GFI1B: variants seen among roughly 807,000 people sequenced by gnomAD.
The protein encoded by GFI1B is growth factor independent 1B transcriptional repressor.
GFI1B carries 20 observed loss-of-function variants against 35.3 expected under a neutral mutation model. The ratio of observed to expected loss-of-function variants is 0.57; its 90% confidence interval spans 0.40 to 0.82. GFI1B has a LOEUF of 0.82. Ranked by LOEUF, GFI1B falls within the 40% of genes least tolerant of loss-of-function variation. GFI1B has a pLI of 0.00. For synonymous variants in GFI1B, 178 were observed against 177.6 expected, an observed-to-expected ratio of 1.00 and a Z score of -0.02; for missense variants, 430 against 446.3, an observed-to-expected ratio of 0.96 and a Z score of 0.33.
At chr9:132,992,997 T>TAAA (rs35365824), downstream of GFI1B, among the ~76,000 whole-genome samples, 56 of 149,972 alleles carry the variant, frequency 3.7e-4, no homozygotes, top group African/African-American at 1.2e-3. Flanking sequence ...AGGTCAAACA[T>TAAA]AAAAAAAAAA....
In GFI1B at chr9:132,991,453, C is replaced by T. The variant is rs11243971; in HGVS notation, c.*403C>T. On this transcript the variant is annotated 3_prime_UTR_variant, in exon 7 of 7. Coordinates refer to ENST00000372122, the MANE Select transcript of GFI1B (RefSeq NM_001377304.1). ...GGACCTGGTCACCTTGGATTTTAGC[C>T]GGCCTCTTTCTGGCTATAACAGGCA... 1.8e-5 allele frequency: 4 copies of T among 222,118 alleles called. No individual in the cohort carries two copies. The East Asian group carries it at 3.5e-4, about 19-fold the overall frequency. The allele number at this position is 222,118 out of a possible 1,614,324, so 13.8% of individuals were successfully genotyped here.
chr9:132,982,138 C>T, intron 1 of GFI1B, among the ~76,000 whole-genome samples: 1 of 152,238 alleles, frequency 6.6e-6, no homozygotes, highest in East Asian at 1.9e-4. Context: ...CCAACCCTCC[C>T]AAAAGGGGAA....
chr9:132,980,984 C>A (rs528675805), intron 1 of GFI1B, among the ~76,000 whole-genome samples: 9 of 152,306 alleles, frequency 5.9e-5, no homozygotes, highest in Admixed American at 4.6e-4. Flanking sequence ...CAACCTCTGC[C>A]TCCCGGGTTC....
chr9:132,984,941 C>T (rs1848983490), intron 1 of GFI1B, among the ~76,000 whole-genome samples: 1 of 152,330 alleles, frequency 6.6e-6, no homozygotes, highest in African/African-American at 2.4e-5. Flanking sequence ...CTCCCACCTC[C>T]CACCCTGCTC....
upstream of GFI1B, chr9:132,978,441 G>A (rs923533440): frequency 2.0e-5 from 3 of 152,118 alleles, no homozygotes; most frequent in South Asian, 2.1e-4. Context: ...TAATAATTTA[G>A]CCATCACTTT....
intron 1 of GFI1B, among the ~76,000 whole-genome samples, chr9:132,955,580 C>G (rs1848269595): frequency 6.6e-6 from 1 of 152,244 alleles, no homozygotes; most frequent in Non-Finnish European, 1.5e-5. Context: ...GCATTAGCTA[C>G]TGTGCCCAGC....
intron 1 of GFI1B, among the ~76,000 whole-genome samples, chr9:132,967,172 C>T (rs549095122): frequency 1.2e-4 from 18 of 152,306 alleles, no homozygotes; most frequent in South Asian, 4.1e-4. Context: ...TTCTGCCTTT[C>T]TCCATGGAGT....
intron 1 of GFI1B, among the ~76,000 whole-genome samples, chr9:132,962,929 A>AG (rs1332523183): frequency 6.7e-6 from 1 of 149,596 alleles, no homozygotes; most frequent in East Asian, 2.0e-4. Context: ...AAAAAAAAAA[A>AG]AAAATAGCCA....
At position 132,986,611 on chromosome 9, in the gene GFI1B, T is replaced by G. The variant is rs2073577; in HGVS notation, c.-20-48T>G. On this transcript the variant is annotated intron_variant, in intron 1 of 6. Coordinates refer to ENST00000372122, the MANE Select transcript of GFI1B (RefSeq NM_001377304.1). ...GAGGAGGTTCTGAGATATGGAGGGGTATTGTTCTCTTGTCCTTCCTAACCG... is the reference window on the plus strand; with the variant it reads ...GAGGAGGTTCTGAGATATGGAGGGGGATTGTTCTCTTGTCCTTCCTAACCG... 0.34 allele frequency: 298,517 copies of G among 886,946 alleles called. 54,286 individuals carry two copies. Among genetic ancestry groups the G allele is most frequent in the Admixed American group, 0.4 (20,053 of 50,518 alleles). 54.9% of individuals were successfully genotyped at this position (886,946 alleles called of 1,614,324 possible).
rs1230296068 is a variant in GFI1B at position 132,990,920 on chromosome 9, G to A, written c.863G>A (p.Ser288Asn). The A allele has an allele frequency of 1.2e-6, 2 of 1,614,230 alleles. No homozygotes were observed. The highest frequency in any genetic ancestry group is 8.5e-7 in the Non-Finnish European group (1 of 1,180,022). ...CQVCGKAFSQ[S>N]SNLITHSRKH... ...GTGTGCGGAAAGGCCTTCAGCCAGA[G>A]CTCCAACCTCATCACCCACAGCCGC... The change falls in exon 7 of 7, where the codon AGC becomes AAC. Residue 288 changes from serine to asparagine, a missense_variant. Ser to Asn is a conservative substitution (Grantham distance 46). Transcript: ENST00000372122.
chr9:132,983,146 C>G (rs753433808), intron 1 of GFI1B, among the ~76,000 whole-genome samples: 21 of 151,130 alleles, frequency 1.4e-4, no homozygotes, highest in South Asian at 1.1e-3. Flanking sequence ...CTTTTAGGAG[C>G]CTGGAAAAGA....
At chr9:132,964,099 G>T (rs1422340862) in intron 1 of GFI1B, among the ~76,000 whole-genome samples, 1 of 152,050 alleles carries the variant, frequency 6.6e-6, no homozygotes, top group Non-Finnish European at 1.5e-5. Context: ...AATTAGCTGG[G>T]CATGGTGATG....
intron 1 of GFI1B, among the ~76,000 whole-genome samples, chr9:132,983,299 C>A (rs1190016411): frequency 6.8e-6 from 1 of 147,950 alleles, no homozygotes; most frequent in Non-Finnish European, 1.5e-5. Context: ...CGGGTTCAAG[C>A]GATTCTCCTG....
intron 1 of GFI1B, 90 bp from the exon 2 acceptor site, chr9:132,986,569 C>T: frequency 1.4e-6 from 1 of 733,520 alleles, no homozygotes; most frequent in South Asian, 1.5e-5. Flanking sequence ...CCCAGTATAG[C>T]TGGTGTTTTA....
intron 1 of GFI1B, among the ~76,000 whole-genome samples, chr9:132,963,264 G>A (rs1445782075): frequency 2.6e-5 from 4 of 151,764 alleles, no homozygotes; most frequent in African/African-American, 7.3e-5. Context: ...GGCAGATCAC[G>A]AGGTCAAGAG....
upstream of GFI1B, among the ~76,000 whole-genome samples, chr9:132,975,592 C>T (rs1053005787): frequency 6.6e-6 from 1 of 152,126 alleles, no homozygotes; most frequent in Admixed American, 6.5e-5. Context: ...TCTTTCCTAC[C>T]CTCTAGACCA....
intron 6 of GFI1B, 64 bp from the exon 7 acceptor site, chr9:132,990,795 GGCAGGGCAGGGGA>G (rs761476936): frequency 3.9e-5 from 53 of 1,344,336 alleles, no homozygotes; most frequent in Non-Finnish European, 5.4e-5. Context: ...TGAACCCGGG[GGCAGGGCAGGGGA>G]GCAGCAGGCC....
intron 1 of GFI1B, 24 bp from the exon 2 acceptor site, chr9:132,986,635 C>T (rs369970044): frequency 5.8e-5 from 71 of 1,223,898 alleles, no homozygotes; most frequent in Non-Finnish European, 7.5e-5. Context: ...CCTTCCTAAC[C>T]GCTCCCATCC....
At position 132,987,415 on chromosome 9, in the gene GFI1B, A is replaced by T. The variant is rs1849113227; in HGVS notation, c.234A>T (p.Ala78=). 4 of 1,614,098 alleles carry T rather than the reference A, an allele frequency of 2.5e-6. No individual in the cohort carries two copies. The highest frequency in any genetic ancestry group is 3.4e-6 in the Non-Finnish European group (4 of 1,180,028). ...AGAACTTGGCCAGGATGGCCCCGGC[A>T]CCAGGTACCCCGCTGTGACCCACTG... ...QDQNLARMAP[A]PEGPIVLSRP... Residue 78 remains alanine, a synonymous_variant, in exon 3 of 7, where the codon GCA becomes GCT. Transcript: ENST00000372122.
Sources: allele counts gnomAD v4.1 joint callset (sites outside exome capture counted in the v4.1 genomes callset), GRCh38; gene constraint gnomAD v4.1.1; transcripts MANE v1.5; gene names NCBI Gene and HGNC (gene_info 2026-07-23, HGNC 2026-07-21).